ANO6: variants seen among roughly 807,000 people sequenced by gnomAD.
The protein encoded by ANO6 is anoctamin-6.
A neutral mutation model predicts 117.5 loss-of-function variants in ANO6; 106 were observed. The observed-to-expected ratio is 0.90, with a 90% CI of 0.77 to 1.06. The LOEUF is 1.06. Ranked by LOEUF, ANO6 falls within the 50% of genes least tolerant of loss-of-function variation. The probability of loss-of-function intolerance (pLI) is 0.00; values close to 1 mark genes in which losing one functional copy is unlikely to be tolerated. For synonymous variants in ANO6, 367 were observed against 385.1 expected (o/e 0.95, Z 0.55); for missense variants, 955 against 1,121.1 (o/e 0.85, Z 2.12).
At chr12:45,257,508 G>C (rs529838105) in intron 1 of ANO6, among the ~76,000 whole-genome samples, 37 of 152,250 alleles carry the variant, frequency 2.4e-4, no homozygotes, top group African/African-American at 4.6e-4. Context: ...TGTGCTCTCT[G>C]TGAATGGCAT....
At chr12:45,364,397 TTC>T (rs1941631621) in intron 8 of ANO6, among the ~76,000 whole-genome samples, 1 of 152,308 alleles carries the variant, frequency 6.6e-6, no homozygotes, top group East Asian at 1.9e-4. Context: ...TTATTTCTGT[TTC>T]TCTCCTTTTT....
At chr12:45,266,840 G>GTGTA (rs1316186121) in intron 1 of ANO6, among the ~76,000 whole-genome samples, 1 of 141,364 alleles carries the variant, frequency 7.1e-6, no homozygotes, top group African/African-American at 2.6e-5. Flanking sequence ...GTGTGTGTGT[G>GTGTA]TGTATAATAT....
chr12:45,367,839 T>C (rs1941726195), intron 9 of ANO6, 46 bp downstream of exon 9: 1 of 1,364,754 alleles, frequency 7.3e-7, no homozygotes, highest in African/African-American at 1.4e-5. Flanking sequence ...AAAGATTTTT[T>C]TTCTAATGCT....
At chr12:45,337,283 A>G (rs1234383100) in intron 3 of ANO6, among the ~76,000 whole-genome samples, 1 of 152,072 alleles carries the variant, frequency 6.6e-6, no homozygotes, top group Non-Finnish European at 1.5e-5. Context: ...AAATGTTTAT[A>G]CAGTATTTTT....
In ANO6 at chr12:45,293,155, T is replaced by C. The variant is rs138872097; in HGVS notation, c.71-8859T>C. On this transcript the variant is annotated intron_variant, in intron 1 of 19. Transcript: ENST00000320560. Reference sequence around the variant, plus strand: ...TCTCTTATTATCTAAGCAATTACATTTTGAGGAATTGAAGAGCACTAGTAA... The same window carrying C: ...TCTCTTATTATCTAAGCAATTACATCTTGAGGAATTGAAGAGCACTAGTAA... Among the ~76,000 whole-genome samples the C allele has an allele frequency of 7.5e-4, 114 of 152,338 alleles. 2 individuals are homozygous for C. In the East Asian group the frequency reaches 0.018, roughly 25 times the overall value.
At position 45,357,124 on chromosome 12, in the gene ANO6, T is replaced by G. The variant is rs142046389; in HGVS notation, c.864-166T>G. ...CATAATGTGTAATATACTTTTTGTTTCATCGTAGAATTCAGGGTCTGCTGT... is the reference window on the plus strand; with the variant it reads ...CATAATGTGTAATATACTTTTTGTTGCATCGTAGAATTCAGGGTCTGCTGT... On this transcript the variant is annotated intron_variant, in intron 7 of 19. Transcript: ENST00000320560. 1.5e-3 allele frequency among the ~76,000 whole-genome samples: 225 copies of G among 152,374 alleles called. 1 individual carries two copies. Among genetic ancestry groups the G allele is most frequent in the African/African-American group, 5.1e-3 (213 of 41,594 alleles).
chr12:45,423,645 T>C (rs1943421867), intron 19 of ANO6, among the ~76,000 whole-genome samples: 1 of 152,200 alleles, frequency 6.6e-6, no homozygotes, highest in Non-Finnish European at 1.5e-5. Context: ...ACCTATATGA[T>C]AGAGTTCATG....
At chr12:45,292,398 G>A (rs913130057) in intron 1 of ANO6, among the ~76,000 whole-genome samples, 5 of 152,164 alleles carry the variant, frequency 3.3e-5, no homozygotes, top group Non-Finnish European at 7.4e-5. Context: ...GGTGATGGCT[G>A]TGCAACATTG....
intron 9 of ANO6, among the ~76,000 whole-genome samples, chr12:45,371,623 T>A (rs892586407): frequency 7.9e-5 from 12 of 151,696 alleles, no homozygotes; most frequent in Non-Finnish European, 1.8e-4. Flanking sequence ...CACGGCAGGG[T>A]ACTCCAACAG....
chr12:45,268,998 G>A (rs1020547713), intron 1 of ANO6, among the ~76,000 whole-genome samples: 2 of 152,218 alleles, frequency 1.3e-5, no homozygotes, highest in Admixed American at 6.5e-5. Flanking sequence ...TTATGGTGGA[G>A]ACCAGGACGC....
chr12:45,244,670 C>G (rs1265909465), intron 1 of ANO6, among the ~76,000 whole-genome samples: 5 of 152,112 alleles, frequency 3.3e-5, no homozygotes, highest in African/African-American at 1.2e-4. Flanking sequence ...CTAGCTGACA[C>G]TGCTGCGTTT....
At position 45,401,872 on chromosome 12, in the gene ANO6, T is replaced by A. The variant is rs565311709; in HGVS notation, c.1464T>A (p.Leu488=). ...TGTTCATTGTATTTTCTGCAAAACT[T>A]CCCAAGAACATTAATGGAACAGACC... ...LSVFIVFSAK[L]PKNINGTDPI... Residue 488 remains leucine (L), a synonymous_variant, in exon 13 of 20, where the codon CTT becomes CTA. Coordinates refer to ENST00000320560, the MANE Select transcript of ANO6 (RefSeq NM_001025356.3). The A allele has an allele frequency of 1.1e-5, 18 of 1,613,984 alleles. No individual in the cohort carries two copies. The South Asian group carries it at 2.0e-4, about 18-fold the overall frequency.
chr12:45,265,636 T>G (rs1938190830), intron 1 of ANO6, among the ~76,000 whole-genome samples: 2 of 152,168 alleles, frequency 1.3e-5, no homozygotes, highest in Non-Finnish European at 2.9e-5. Flanking sequence ...CCAGTTAACC[T>G]TCCCGATTCT....
At position 45,323,869 on chromosome 12, in the gene ANO6, T is replaced by A. The variant is rs1007978463; in HGVS notation, c.151-7426T>A. Among the ~76,000 whole-genome samples the A allele has an allele frequency of 7.1e-5, 10 of 140,732 alleles. No homozygotes were observed. The South Asian group carries it at 1.1e-3, about 16-fold the overall frequency. The allele number at this position is 140,732 out of a possible 152,430, so 92.3% of individuals were successfully genotyped here. A position where few individuals can be genotyped will look rare whatever the true frequency, so the allele number is the denominator to read the frequency against. On this transcript the variant is annotated intron_variant, in intron 2 of 19. Transcript: ENST00000320560. Reference sequence around the variant, plus strand: ...AGAGAGTTTTGTAAGGTTTTTTTTTTATTTACTATCTATAGTCAGCTGAAA... The same window carrying A: ...AGAGAGTTTTGTAAGGTTTTTTTTTAATTTACTATCTATAGTCAGCTGAAA...
downstream of ANO6, among the ~76,000 whole-genome samples, chr12:45,435,178 G>C (rs1188367435): frequency 6.6e-6 from 1 of 152,122 alleles, no homozygotes; most frequent in Non-Finnish European, 1.5e-5. Context: ...TTTTCCTATT[G>C]TATTCAGGGC....
chr12:45,289,300 C>G (rs1045215311), intron 1 of ANO6, among the ~76,000 whole-genome samples: 33 of 150,892 alleles, frequency 2.2e-4, no homozygotes, highest in Non-Finnish European at 2.7e-4. Context: ...CTGAGTAGCT[C>G]GGATTACAGG....
chr12:45,237,637 T>G (rs1222459851), intron 1 of ANO6, among the ~76,000 whole-genome samples: 1 of 152,240 alleles, frequency 6.6e-6, no homozygotes, highest in African/African-American at 2.4e-5. Context: ...GCTTGTAGTA[T>G]AGTTTGAAGT....
intron 10 of ANO6, among the ~76,000 whole-genome samples, chr12:45,385,231 G>A (rs1942266008): frequency 6.6e-6 from 1 of 151,760 alleles, no homozygotes; most frequent in Non-Finnish European, 1.5e-5. Flanking sequence ...ATGCATGAGT[G>A]CTATGTATTA....
At position 45,279,648 on chromosome 12, in the gene ANO6, C is replaced by T. The variant is rs1938660770; in HGVS notation, c.71-22366C>T. ...AGCCCCTGGGTCAGTGTTTAGGACA[C>T]TTGGGTTCCATTCCCACATTTGCTA... On this transcript the variant is annotated intron_variant, in intron 1 of 19. Transcript: ENST00000320560. Among the ~76,000 whole-genome samples, 2 of 152,234 alleles carry T rather than the reference C, an allele frequency of 1.3e-5. 1 individual carries two copies. Among genetic ancestry groups the T allele is most frequent in the Admixed American group, 1.3e-4 (2 of 15,280 alleles).
Sources: allele counts gnomAD v4.1 joint callset (sites outside exome capture counted in the v4.1 genomes callset), GRCh38; gene constraint gnomAD v4.1.1; transcripts MANE v1.5; gene names NCBI Gene and HGNC (gene_info 2026-07-23, HGNC 2026-07-21).